Variants in DLG2 observed in about 807,000 individuals in gnomAD.
DLG2 encodes discs large MAGUK scaffold protein 2.
A neutral mutation model predicts 132.5 loss-of-function variants in DLG2; 45 were observed. The observed-to-expected ratio is 0.34, with a 90% CI of 0.27 to 0.44. DLG2 has a LOEUF of 0.44. Among genes scored for constraint, DLG2 ranks in the 20% least tolerant of loss-of-function variants. The pLI is 1.00. For missense variants in DLG2, 1,045 were observed against 1,196.9 expected (o/e 0.87, Z 1.87); for synonymous variants, 424 against 419.6 (o/e 1.01, Z -0.13).
chr11:84,003,655 C>G (rs7936554), intron 11 of DLG2, among the ~76,000 whole-genome samples: 63,385 of 151,860 alleles, frequency 0.42, 14,803 homozygotes, highest in Middle Eastern at 0.58. Flanking sequence ...GGGGAAAACA[C>G]CCCCATGATT....
At chr11:85,214,728 A>C (rs375469701) in intron 4 of DLG2, among the ~76,000 whole-genome samples, 1 of 152,168 alleles carries the variant, frequency 6.6e-6, no homozygotes, top group Non-Finnish European at 1.5e-5. Flanking sequence ...ACATAAAACT[A>C]CTTTAAACTT....
intron 6 of DLG2, among the ~76,000 whole-genome samples, chr11:84,934,775 T>C (rs953969240): frequency 6.6e-6 from 1 of 151,780 alleles, no homozygotes; most frequent in African/African-American, 2.4e-5. Context: ...TATGCCCGAG[T>C]TCCTTAAGAC....
chr11:85,210,510 A>G (rs2152566988), intron 4 of DLG2, among the ~76,000 whole-genome samples: 1 of 152,254 alleles, frequency 6.6e-6, no homozygotes, highest in East Asian at 1.9e-4. Flanking sequence ...CTAAAATGGC[A>G]GTCTCATTTT....
intron 18 of DLG2, among the ~76,000 whole-genome samples, chr11:83,773,371 CT>C (rs1357535008): frequency 6.6e-6 from 1 of 152,194 alleles, no homozygotes; most frequent in Non-Finnish European, 1.5e-5. Flanking sequence ...AAGTCTTATA[CT>C]TGTGCTAGCT....
At chr11:83,858,496 A>G (rs1255770396) in intron 16 of DLG2, among the ~76,000 whole-genome samples, 2 of 152,164 alleles carry the variant, frequency 1.3e-5, no homozygotes, top group Admixed American at 1.3e-4. Context: ...GAAAATTAGG[A>G]GGCCTGACTT....
chr11:84,336,203 G>A (rs2098483915), intron 7 of DLG2, among the ~76,000 whole-genome samples: 3 of 152,132 alleles, frequency 2.0e-5, no homozygotes, highest in African/African-American at 7.2e-5. Flanking sequence ...CATAAATTAG[G>A]AGATGTTAAA....
intron 18 of DLG2, among the ~76,000 whole-genome samples, chr11:83,731,118 A>C (rs780297417): frequency 6.6e-6 from 1 of 152,114 alleles, no homozygotes; most frequent in Non-Finnish European, 1.5e-5. Flanking sequence ...TCCCTACCTC[A>C]GTTCTCTTTC....
intron 6 of DLG2, among the ~76,000 whole-genome samples, chr11:84,659,498 C>G (rs1459857200): frequency 6.6e-6 from 1 of 152,134 alleles, no homozygotes. Flanking sequence ...TCTACTATCT[C>G]TTTGGGGCAT....
intron 3 of DLG2, among the ~76,000 whole-genome samples, chr11:85,533,168 A>G (rs975026620): frequency 2.0e-5 from 3 of 151,828 alleles, no homozygotes; most frequent in African/African-American, 7.3e-5. Flanking sequence ...GGATTACAGG[A>G]TTACATCACC....
chr11:85,493,321 T>C (rs1365643436), intron 3 of DLG2, among the ~76,000 whole-genome samples: 4 of 152,212 alleles, frequency 2.6e-5, no homozygotes, highest in Admixed American at 6.5e-5. Flanking sequence ...TTCCATCTTA[T>C]GGCCTTTGCA....
At chr11:84,297,630 C>T (rs2098108544) in intron 7 of DLG2, among the ~76,000 whole-genome samples, 1 of 152,100 alleles carries the variant, frequency 6.6e-6, no homozygotes, top group Admixed American at 6.6e-5. Context: ...TTGCCCCTCC[C>T]CTCAAACTCA....
intron 6 of DLG2, among the ~76,000 whole-genome samples, chr11:85,047,577 A>C (rs1056001522): frequency 1.3e-5 from 2 of 151,912 alleles, no homozygotes; most frequent in African/African-American, 4.8e-5. Flanking sequence ...TGTATTACAT[A>C]ATCTCCCTGA....
chr11:83,867,905 A>G (rs1194012484), intron 16 of DLG2, among the ~76,000 whole-genome samples: 1 of 152,158 alleles, frequency 6.6e-6, no homozygotes, highest in Non-Finnish European at 1.5e-5. Flanking sequence ...AGCGCTACAC[A>G]TGTAAGGAAA....
At chr11:84,941,391 T>G (rs1243848270) in intron 6 of DLG2, among the ~76,000 whole-genome samples, 1 of 152,222 alleles carries the variant, frequency 6.6e-6, no homozygotes, top group Non-Finnish European at 1.5e-5. Context: ...TAGATGTTTT[T>G]GTGTCCTCTT....
chr11:84,530,933 C>G (rs1398906202), intron 7 of DLG2, among the ~76,000 whole-genome samples: 2 of 152,086 alleles, frequency 1.3e-5, no homozygotes, highest in East Asian at 3.9e-4. Flanking sequence ...CTACAAAATA[C>G]TGCACAGCCA....
chr11:83,877,430 A>C (rs1428581320), intron 15 of DLG2, among the ~76,000 whole-genome samples: 2 of 152,182 alleles, frequency 1.3e-5, no homozygotes, highest in Admixed American at 6.6e-5. Context: ...AGTAACTGTA[A>C]TTTCTGATAG....
chr11:84,812,933 C>T (rs2076719145), intron 6 of DLG2, among the ~76,000 whole-genome samples: 1 of 152,082 alleles, frequency 6.6e-6, no homozygotes, highest in East Asian at 1.9e-4. Flanking sequence ...ATTCCTGCCT[C>T]ATACTACAAG....
chr11:85,223,333 C>T (rs575800466), intron 4 of DLG2, among the ~76,000 whole-genome samples: 1 of 152,086 alleles, frequency 6.6e-6, no homozygotes, highest in South Asian at 2.1e-4. Context: ...CAAACAAAAA[C>T]CATAATAGAA....
chr11:83,623,487 T>C (rs684729), intron 19 of DLG2, among the ~76,000 whole-genome samples: 66,793 of 152,076 alleles, frequency 0.44, 15,191 homozygotes, highest in East Asian at 0.58. Context: ...GAAATCTCCA[T>C]CTTCGAGATA....
Sources: allele counts gnomAD v4.1 joint callset (sites outside exome capture counted in the v4.1 genomes callset), GRCh38; gene constraint gnomAD v4.1.1; transcripts MANE v1.5; gene names NCBI Gene and HGNC (gene_info 2026-07-23, HGNC 2026-07-21).